The following SH3RF3 variants were observed in gnomAD, a reference collection of about 807,000 sequenced individuals.
SH3RF3 encodes the protein E3 ubiquitin-protein ligase SH3RF3.
Under a neutral mutation model 66.3 loss-of-function variants are expected in SH3RF3, and 29 were observed. The observed-to-expected ratio is 0.44, with a 90% CI of 0.33 to 0.60. The LOEUF is 0.60. Ranked by LOEUF, SH3RF3 falls within the 20% of genes least tolerant of loss-of-function variation. The probability of loss-of-function intolerance (pLI) is 0.04; values close to 1 mark genes in which losing one functional copy is unlikely to be tolerated. For synonymous variants in SH3RF3, 583 were observed against 532.0 expected, an observed-to-expected ratio of 1.10 and a Z score of -1.32; for missense variants, 1,194 against 1,190.9, an observed-to-expected ratio of 1.00 and a Z score of -0.04.
intron 1 of SH3RF3, among the ~76,000 whole-genome samples, chr2:109,328,584 T>C (rs1026213526): frequency 2.6e-5 from 4 of 152,240 alleles, no homozygotes; most frequent in Non-Finnish European, 4.4e-5. Flanking sequence ...TTCAGAATCA[T>C]CTTTGTACTT....
intron 1 of SH3RF3, among the ~76,000 whole-genome samples, chr2:109,319,555 G>A (rs1480282623): frequency 6.6e-6 from 1 of 152,256 alleles, no homozygotes; most frequent in Admixed American, 6.5e-5. Context: ...GGGGCTCACA[G>A]GGCTGAAAAC....
intron 1 of SH3RF3, among the ~76,000 whole-genome samples, chr2:109,234,324 G>C (rs1297515079): frequency 6.6e-6 from 1 of 152,214 alleles, no homozygotes; most frequent in Non-Finnish European, 1.5e-5. Flanking sequence ...GTTAGATGAA[G>C]TGAAACTGTT....
At chr2:109,196,402 C>T (rs868804021) in intron 1 of SH3RF3, among the ~76,000 whole-genome samples, 7 of 152,182 alleles carry the variant, frequency 4.6e-5, no homozygotes, top group Middle Eastern at 3.2e-3. Flanking sequence ...AATCCCGTGG[C>T]GGGCAGCCTC....
intron 3 of SH3RF3, among the ~76,000 whole-genome samples, chr2:109,395,519 C>T (rs1342878816): frequency 6.6e-6 from 1 of 152,136 alleles, no homozygotes; most frequent in Non-Finnish European, 1.5e-5. Context: ...GCTCTTACTT[C>T]TCCTGCCGTC....
At chr2:109,225,365 C>G (rs736505) in intron 1 of SH3RF3, among the ~76,000 whole-genome samples, 1 of 152,118 alleles carries the variant, frequency 6.6e-6, no homozygotes, top group African/African-American at 2.4e-5. Context: ...TGTGGGTTTC[C>G]GGGCTCCGCT....
At chr2:109,273,995 C>A (rs1680689039) in intron 1 of SH3RF3, among the ~76,000 whole-genome samples, 1 of 152,176 alleles carries the variant, frequency 6.6e-6, no homozygotes, top group African/African-American at 2.4e-5. Flanking sequence ...AAGGATAATA[C>A]TTACCATAGT....
chr2:109,162,564 T>C (rs1004316677), intron 1 of SH3RF3, among the ~76,000 whole-genome samples: 2 of 152,226 alleles, frequency 1.3e-5, no homozygotes, highest in African/African-American at 4.8e-5. Context: ...ACTCATCATT[T>C]TTTATGGCTG....
intron 1 of SH3RF3, among the ~76,000 whole-genome samples, chr2:109,326,325 T>C (rs901044921): frequency 6.6e-6 from 1 of 152,232 alleles, no homozygotes; most frequent in African/African-American, 2.4e-5. Context: ...GACTATCTAC[T>C]TCACAGTTAA....
At chr2:109,297,254 G>A (rs578141280) in intron 1 of SH3RF3, among the ~76,000 whole-genome samples, 138 of 151,952 alleles carry the variant, frequency 9.1e-4, no homozygotes, top group Non-Finnish European at 1.7e-3. Flanking sequence ...CATCATCATC[G>A]TCATCACTGT....
chr2:109,220,892 A>G (rs1679217282), intron 1 of SH3RF3, among the ~76,000 whole-genome samples: 1 of 152,258 alleles, frequency 6.6e-6, no homozygotes, highest in South Asian at 2.1e-4. Context: ...AGAATTAACT[A>G]TATAATCCAG....
intron 1 of SH3RF3, among the ~76,000 whole-genome samples, chr2:109,200,017 T>A (rs1678630989): frequency 6.6e-6 from 1 of 151,982 alleles, no homozygotes; most frequent in South Asian, 2.1e-4. Context: ...CTGCTGAGCA[T>A]GCTGTGATGC....
chr2:109,402,432 G>A (rs1676340452), intron 4 of SH3RF3, among the ~76,000 whole-genome samples: 1 of 152,252 alleles, frequency 6.6e-6, no homozygotes, highest in Admixed American at 6.5e-5. Flanking sequence ...ATTCAGCATT[G>A]CTGTGTCATG....
intron 3 of SH3RF3, among the ~76,000 whole-genome samples, chr2:109,392,929 T>A (rs1010960874): frequency 3.3e-5 from 5 of 152,190 alleles, no homozygotes; most frequent in Non-Finnish European, 7.3e-5. Context: ...GGGGTGCCTA[T>A]GAGGAGGGCG....
At chr2:109,266,736 G>A (rs932773056) in intron 1 of SH3RF3, among the ~76,000 whole-genome samples, 1 of 152,202 alleles carries the variant, frequency 6.6e-6, no homozygotes, top group African/African-American at 2.4e-5. Context: ...CACGGCCCAC[G>A]CTTGCTTCAT....
At chr2:109,468,164 A>G (rs1277081596) in intron 8 of SH3RF3, among the ~76,000 whole-genome samples, 1 of 152,176 alleles carries the variant, frequency 6.6e-6, no homozygotes, top group African/African-American at 2.4e-5. Flanking sequence ...CACAGAGTGG[A>G]CTCACACAAA....
intron 1 of SH3RF3, among the ~76,000 whole-genome samples, chr2:109,211,333 T>A (rs1678969239): frequency 6.6e-6 from 1 of 152,224 alleles, no homozygotes. Flanking sequence ...TTATTAATAA[T>A]GCTGGAGGCA....
intron 1 of SH3RF3, among the ~76,000 whole-genome samples, chr2:109,185,628 C>A (rs1236320085): frequency 1.3e-5 from 2 of 152,094 alleles, no homozygotes; most frequent in South Asian, 2.1e-4. Context: ...GAGCCAAGTC[C>A]CTGGACAGGA....
intron 4 of SH3RF3, among the ~76,000 whole-genome samples, chr2:109,405,986 C>T (rs2104466441): frequency 6.6e-6 from 1 of 152,200 alleles, no homozygotes; most frequent in East Asian, 1.9e-4. Flanking sequence ...TGGCCTTCCC[C>T]AACTCCCGCA....
Position 109,262,187 on chromosome 2 carries a change from C to CT in SH3RF3, c.574-85486dup, listed in dbSNP as rs577346911. ...CTGTTATGGTTACAGTTGTATTTGT[C>CT]TAACAGTCTTATTTAAAGAAGACCA... On this transcript the variant is annotated intron_variant, in intron 1 of 9. Coordinates refer to ENST00000309415, the MANE Select transcript of SH3RF3 (RefSeq NM_001099289.3). 2.2e-4 allele frequency among the ~76,000 whole-genome samples: 34 copies of CT among 152,316 alleles called. No individual in the cohort carries two copies. The East Asian group carries it at 5.4e-3, about 24-fold the overall frequency.
Sources: gnomAD v4.1 joint callset for allele counts (sites outside exome capture counted in the v4.1 genomes callset) on GRCh38, gnomAD v4.1.1 for gene constraint, MANE v1.5 for transcripts, NCBI Gene and HGNC (gene_info 2026-07-23, HGNC 2026-07-21) for gene names.